The following RBBP5 variants were observed in gnomAD, a reference collection of about 807,000 sequenced individuals.
The protein encoded by RBBP5 is RB binding protein 5, histone lysine methyltransferase complex subunit, also known as retinoblastoma-binding protein 5.
In RBBP5, 5 loss-of-function variants were observed where a neutral mutation model predicts 72.2. That is an observed-to-expected ratio of 0.07 (90% confidence interval 0.04 to 0.15). RBBP5 has a LOEUF of 0.15. Ranked by LOEUF, RBBP5 falls within the 10% of genes least tolerant of loss-of-function variation. RBBP5 has a pLI of 1.00. For synonymous variants in RBBP5, 209 were observed against 237.2 expected (o/e 0.88, Z 1.09); for missense variants, 322 against 652.2 (o/e 0.49, Z 5.51).
In RBBP5 at chr1:205,115,873, C is replaced by T; in HGVS notation, c.30G>A (p.Gly10=). The change falls in exon 2 of 14, where the codon GGG becomes GGA. Residue 10 remains glycine (G), a synonymous_variant. Transcript: ENST00000264515. MNLELLESF[G]QNYPEEADGT... is the part of the protein sequence containing the mutation. ...ATACTCTTACCTCTGGATAGTTCTG[C>T]CCAAAGGACTCTGCAACAAAGCAAA... is the stretch of plus-strand genomic sequence containing the variant. 6.2e-7 allele frequency: 1 copy of T among 1,612,814 alleles called. No individual in the cohort carries two copies. Among genetic ancestry groups the T allele is most frequent in the Middle Eastern group, 1.7e-4 (1 of 6,060 alleles).
At chr1:205,109,574 TAA>T (rs61377352) in intron 3 of RBBP5, among the ~76,000 whole-genome samples, 63,710 of 150,520 alleles carry the variant, frequency 0.42, 14,081 homozygotes, top group Non-Finnish European at 0.47. Context: ...GTGGGTGGGG[TAA>T]AAAAAAAAAG....
chr1:205,106,830 T>C (rs1009067472), intron 3 of RBBP5, among the ~76,000 whole-genome samples: 2 of 151,802 alleles, frequency 1.3e-5, no homozygotes, highest in African/African-American at 4.8e-5. Flanking sequence ...CTGAAACAGA[T>C]GGGGAAAAAA....
chr1:205,109,119 T>C (rs4950982), intron 3 of RBBP5, among the ~76,000 whole-genome samples: 122,545 of 152,054 alleles, frequency 0.81, 50,586 homozygotes, highest in East Asian at 0.97. Context: ...TCTCTTCTAC[T>C]GGGTCTAGAA....
chr1:205,112,730 G>A (rs537408539), intron 3 of RBBP5, among the ~76,000 whole-genome samples: 1 of 152,256 alleles, frequency 6.6e-6, no homozygotes, highest in South Asian at 2.1e-4. Flanking sequence ...TTAAAAAGTT[G>A]TTAAAGGCTA....
At chr1:205,112,982 A>C (rs756757168) in intron 3 of RBBP5, among the ~76,000 whole-genome samples, 2 of 152,054 alleles carry the variant, frequency 1.3e-5, no homozygotes, top group African/African-American at 2.4e-5. Context: ...AAAATTAGCC[A>C]GGCATGGTGG....
intron 3 of RBBP5, among the ~76,000 whole-genome samples, chr1:205,109,863 G>A (rs952608818): frequency 8.6e-5 from 13 of 151,996 alleles, no homozygotes. Flanking sequence ...TTCTTCTGCA[G>A]CATCCTAACA....
At chr1:205,102,748 C>G (rs945789429) in intron 5 of RBBP5, among the ~76,000 whole-genome samples, 2 of 152,110 alleles carry the variant, frequency 1.3e-5, no homozygotes, top group South Asian at 4.1e-4. Flanking sequence ...AATCCCAGCA[C>G]TTTAGGAGGC....
intron 3 of RBBP5, among the ~76,000 whole-genome samples, chr1:205,112,246 AG>A (rs1656345441): frequency 6.6e-6 from 1 of 152,110 alleles, no homozygotes; most frequent in Non-Finnish European, 1.5e-5. Context: ...TGAACCCGGG[AG>A]GTGGAGGTTG....
intron 3 of RBBP5, among the ~76,000 whole-genome samples, chr1:205,107,684 G>A (rs938282884): frequency 3.9e-5 from 6 of 152,210 alleles, no homozygotes; most frequent in Non-Finnish European, 5.9e-5. Context: ...GGTGGCTCAC[G>A]CCTATAATCC....
chr1:205,096,200 T>C (rs1055546380), intron 12 of RBBP5, among the ~76,000 whole-genome samples: 1 of 150,992 alleles, frequency 6.6e-6, no homozygotes, highest in Non-Finnish European at 1.5e-5. Context: ...CTCAAAAAAA[T>C]AAAATAAAAT....
At chr1:205,117,542 C>T (rs187954776) in intron 1 of RBBP5, among the ~76,000 whole-genome samples, 39 of 151,822 alleles carry the variant, frequency 2.6e-4, no homozygotes, top group Admixed American at 4.6e-4. Context: ...TGCCTGTAAT[C>T]CCAGCTACTC....
In RBBP5 at chr1:205,097,373, C is replaced by A. The variant is rs1264568228; in HGVS notation, c.1119G>T (p.Glu373Asp). The change falls in exon 11 of 14, where the codon GAG becomes GAT. Residue 373 changes from glutamate (E) to aspartate (D), a missense_variant. Glu to Asp is a conservative substitution (Grantham distance 45). Coordinates refer to ENST00000264515, the MANE Select transcript of RBBP5 (RefSeq NM_005057.4). ...EQTGADAAEDEEVDVTSVDPI... is the reference protein window; with the variant it reads ...EQTGADAAEDDEVDVTSVDPI... ...GGTCCACGCTGGTGACATCCACTTC[C>A]TCATCTTCTGCAGCATCAGCCCCTG... 6.4e-7 allele frequency: 1 copy of A among 1,552,706 alleles called. No homozygotes were observed. The highest frequency in any genetic ancestry group is 2.4e-5 in the East Asian group (1 of 41,120).
Position 205,100,006 on chromosome 1 carries a change from C to A in RBBP5, c.811G>T (p.Ala271Ser). The A allele has an allele frequency of 6.2e-7, 1 of 1,614,182 alleles. No individual in the cohort carries two copies. The highest frequency in any genetic ancestry group is 8.5e-7 in the Non-Finnish European group (1 of 1,180,042). Residue 271 changes from alanine to serine, a missense_variant, in exon 8 of 14, where the codon GCC becomes TCC. Around this residue, in one of 6 missense-constraint regions of RBBP5, gnomAD observed 161 missense variants for 327.8 expected, o/e 0.49. Coordinates refer to ENST00000264515, the MANE Select transcript of RBBP5 (RefSeq NM_005057.4). ...GDGEYIVAGS[A>S]RQHALYIWEK... ...CAGATGTACAGGGCATGCTGCCGGGCAGAACCTGCCACGATGTATTCCCCA... is the reference window on the plus strand; with the variant it reads ...CAGATGTACAGGGCATGCTGCCGGGAAGAACCTGCCACGATGTATTCCCCA...
At chr1:205,103,043 C>T (rs1655905990) in intron 5 of RBBP5, among the ~76,000 whole-genome samples, 1 of 149,850 alleles carries the variant, frequency 6.7e-6, no homozygotes, top group Non-Finnish European at 1.5e-5. Context: ...TGCAGTGGCT[C>T]ACACCTATAA....
intron 13 of RBBP5, 87 bp downstream of exon 13, chr1:205,094,786 G>T: frequency 7.4e-7 from 1 of 1,355,800 alleles, no homozygotes; most frequent in Non-Finnish European, 1.0e-6. Context: ...AAGAGAGGGG[G>T]AAAAAATGTT....
intron 3 of RBBP5, among the ~76,000 whole-genome samples, chr1:205,107,252 G>A (rs1041473815): frequency 6.6e-6 from 1 of 151,936 alleles, no homozygotes; most frequent in African/African-American, 2.4e-5. Context: ...CCTAAATCTG[G>A]CAAGAGATAC....
At position 205,094,948 on chromosome 1, in the gene RBBP5, T is replaced by C; in HGVS notation, c.1513A>G (p.Lys505Glu). ...TCCAGAGGTAAACCTCTGTCCCCTTTGTAGAGTTTCGGTTTAAATGGAGAA... is the reference window on the plus strand; with the variant it reads ...TCCAGAGGTAAACCTCTGTCCCCTTCGTAGAGTTTCGGTTTAAATGGAGAA... ...KDSPFKPKLY[K>E]GDRGLPLEGS... is the part of the protein sequence containing the mutation. The change falls in exon 13 of 14, where the codon AAA becomes GAA. Residue 505 changes from lysine (K) to glutamate (E), a missense_variant. Physicochemically the swap from Lys to Glu is moderately conservative, Grantham distance 56 (BLOSUM62 1). Around this residue, in one of 6 missense-constraint regions of RBBP5, gnomAD observed 109 missense variants for 146.3 expected, o/e 0.75. Coordinates refer to ENST00000264515, the MANE Select transcript of RBBP5 (RefSeq NM_005057.4). The C allele has an allele frequency of 1.2e-6, 2 of 1,614,060 alleles. No homozygotes were observed. The highest frequency in any genetic ancestry group is 2.2e-5 in the East Asian group (1 of 44,886).
At chr1:205,096,354 T>G (rs1371563162) in intron 12 of RBBP5, among the ~76,000 whole-genome samples, 2 of 152,134 alleles carry the variant, frequency 1.3e-5, no homozygotes, top group Non-Finnish European at 2.9e-5. Flanking sequence ...ATGAAATGAT[T>G]GTCCAAGTCT....
chr1:205,098,896 G>T, intron 10 of RBBP5, 93 bp downstream of exon 10: 28 of 675,524 alleles, frequency 4.1e-5, no homozygotes, highest in Non-Finnish European at 5.8e-5. Flanking sequence ...TTTAGATGAA[G>T]TGCTGAAATA....
Sources: gnomAD v4.1 joint callset for allele counts (sites outside exome capture counted in the v4.1 genomes callset) on GRCh38, gnomAD v4.1.1 for gene constraint, gnomAD v4.1.1 regional missense constraint, MANE v1.5 for transcripts, NCBI Gene and HGNC (gene_info 2026-07-23, HGNC 2026-07-21) for gene names.